TENM3: variants seen among roughly 807,000 people sequenced by gnomAD.
TENM3 encodes the protein teneurin-3.
In TENM3, 63 loss-of-function variants were observed where a neutral mutation model predicts 255.1. The observed-to-expected ratio is 0.25, with a 90% CI of 0.20 to 0.30. The LOEUF is 0.30. Ranked by LOEUF, TENM3 falls within the 10% of genes least tolerant of loss-of-function variation. TENM3 has a pLI of 1.00. For missense variants in TENM3, 2,929 were observed against 3,461.1 expected, an observed-to-expected ratio of 0.85 and a Z score of 3.86; for synonymous variants, 1,306 against 1,322.3, an observed-to-expected ratio of 0.99 and a Z score of 0.27.
the TENM3 span, among the ~76,000 whole-genome samples, chr4:181,663,358 A>G: frequency 1.3e-5 from 2 of 152,108 alleles, no homozygotes; most frequent in South Asian, 2.1e-4. Flanking sequence ...GGGAGCAACA[A>G]CTTGAATTTC....
chr4:182,112,023 C>T, the TENM3 span, among the ~76,000 whole-genome samples: 1 of 152,020 alleles, frequency 6.6e-6, no homozygotes, highest in Admixed American at 6.6e-5. Flanking sequence ...GAAAGGGTGG[C>T]TCACACTTGT....
At chr4:181,480,051 T>G in the TENM3 span, among the ~76,000 whole-genome samples, 1 of 152,186 alleles carries the variant, frequency 6.6e-6, no homozygotes, top group African/African-American at 2.4e-5. Flanking sequence ...ACAAATAAAA[T>G]TAATTGATAG....
chr4:181,812,024 G>A, the TENM3 span, among the ~76,000 whole-genome samples: 11 of 152,258 alleles, frequency 7.2e-5, no homozygotes, highest in South Asian at 2.1e-4. Context: ...CTTAAAAACC[G>A]TATCTGGCTG....
the TENM3 span, among the ~76,000 whole-genome samples, chr4:182,031,596 A>G: frequency 1.3e-5 from 2 of 152,198 alleles, no homozygotes; most frequent in South Asian, 2.1e-4. Flanking sequence ...AAGAATATCA[A>G]TGGTAGTTTG....
the TENM3 span, among the ~76,000 whole-genome samples, chr4:181,993,406 A>C: frequency 6.6e-6 from 1 of 152,196 alleles, no homozygotes; most frequent in African/African-American, 2.4e-5. Context: ...CTTATCAAAC[A>C]TAAAAACTAT....
intron 1 of TENM3, among the ~76,000 whole-genome samples, chr4:182,146,696 G>A (rs1204740848): frequency 6.6e-6 from 1 of 152,110 alleles, no homozygotes. Context: ...AAAAAATGTA[G>A]TTGTACTAAT....
chr4:182,318,670 G>A (rs1169585117), intron 1 of TENM3, among the ~76,000 whole-genome samples: 1 of 152,180 alleles, frequency 6.6e-6, no homozygotes, highest in Non-Finnish European at 1.5e-5. Flanking sequence ...GAGTGCTATG[G>A]TTAGTAGCTG....
intron 12 of TENM3, among the ~76,000 whole-genome samples, chr4:182,708,730 G>A (rs1452260870): frequency 2.6e-5 from 4 of 151,678 alleles, no homozygotes; most frequent in Non-Finnish European, 2.9e-5. Flanking sequence ...CCCGGGAGGC[G>A]GAGCTTGCAG....
the TENM3 span, chr4:181,877,270 T>C: frequency 1.3e-5 from 2 of 152,142 alleles, no homozygotes; most frequent in Admixed American, 1.3e-4. Flanking sequence ...TAATAGTAAT[T>C]CGTGATAAAA....
chr4:181,764,851 C>T, the TENM3 span, among the ~76,000 whole-genome samples: 12 of 152,100 alleles, frequency 7.9e-5, no homozygotes, highest in South Asian at 2.1e-4. Context: ...CCACCAAGCC[C>T]GACTAATTTT....
At chr4:182,185,254 C>G (rs1281738297) in intron 1 of TENM3, among the ~76,000 whole-genome samples, 1 of 152,174 alleles carries the variant, frequency 6.6e-6, no homozygotes, top group Admixed American at 6.5e-5. Context: ...GTTCTATTAA[C>G]TTTAGTGCCA....
chr4:182,410,853 G>T (rs1446687463), intron 3 of TENM3, among the ~76,000 whole-genome samples: 1 of 152,156 alleles, frequency 6.6e-6, no homozygotes, highest in Non-Finnish European at 1.5e-5. Context: ...GGAAAAAAAT[G>T]TGTATTCACT....
chr4:181,687,688 A>G, the TENM3 span, among the ~76,000 whole-genome samples: 2 of 152,100 alleles, frequency 1.3e-5, no homozygotes, highest in Non-Finnish European at 2.9e-5. Context: ...ATTATTTCGT[A>G]TCAGAAATTC....
At chr4:181,983,266 T>G in the TENM3 span, among the ~76,000 whole-genome samples, 209 of 152,248 alleles carry the variant, frequency 1.4e-3, no homozygotes, top group East Asian at 3.9e-4. Context: ...GACAGTATAT[T>G]AGAGAGAAGG....
intron 5 of TENM3, among the ~76,000 whole-genome samples, chr4:182,653,457 T>C (rs1244400496): frequency 6.6e-6 from 1 of 152,196 alleles, no homozygotes; most frequent in Admixed American, 6.5e-5. Flanking sequence ...GTTCTACCAG[T>C]TACTTAAAAG....
intron 3 of TENM3, among the ~76,000 whole-genome samples, chr4:182,558,204 G>A (rs947496852): frequency 2.0e-5 from 3 of 152,178 alleles, no homozygotes; most frequent in African/African-American, 4.8e-5. Flanking sequence ...TAGCGAAAAC[G>A]CTTGGAAAAC....
chr4:182,281,208 G>A (rs1760365916), intron 1 of TENM3, among the ~76,000 whole-genome samples: 2 of 152,128 alleles, frequency 1.3e-5, no homozygotes, highest in Non-Finnish European at 2.9e-5. Context: ...ATGATTAAGT[G>A]TGACAGCCTT....
At chr4:181,905,060 T>A in the TENM3 span, among the ~76,000 whole-genome samples, 468 of 152,202 alleles carry the variant, frequency 3.1e-3, 1 homozygote, top group African/African-American at 0.011. Context: ...GTCAAATAAG[T>A]CAAAAAAGTC....
chr4:181,494,784 T>C, the TENM3 span, among the ~76,000 whole-genome samples: 93,036 of 151,872 alleles, frequency 0.61, 28,685 homozygotes, highest in South Asian at 0.69. Flanking sequence ...GCTTCCCATA[T>C]TCATCTTTGG....
Sources: allele counts gnomAD v4.1 joint callset (sites outside exome capture counted in the v4.1 genomes callset), GRCh38; gene constraint gnomAD v4.1.1; transcripts MANE v1.5; gene names NCBI Gene and HGNC (gene_info 2026-07-23, HGNC 2026-07-21).